The following LHPP variants were observed in gnomAD, a reference collection of about 807,000 sequenced individuals.
The protein encoded by LHPP is phospholysine phosphohistidine inorganic pyrophosphate phosphatase.
In LHPP, 24 loss-of-function variants were observed where a neutral mutation model predicts 30.3. The ratio of observed to expected loss-of-function variants is 0.79; its 90% CI spans 0.57 to 1.11. LHPP has a LOEUF of 1.11. Ranked by LOEUF, LHPP falls within the 50% of genes most tolerant of loss-of-function variation. LHPP has a pLI of 0.00. For synonymous variants in LHPP, 150 were observed against 157.1 expected (o/e 0.95, Z 0.34); for missense variants, 356 against 367.2 (o/e 0.97, Z 0.25).
At chr10:124,480,527 G>A (rs1456586875) in intron 1 of LHPP, among the ~76,000 whole-genome samples, 2 of 152,140 alleles carry the variant, frequency 1.3e-5, no homozygotes, top group Non-Finnish European at 2.9e-5. Context: ...TCATTCATTA[G>A]CAATAATTAG....
intron 3 of LHPP, among the ~76,000 whole-genome samples, chr10:124,493,333 A>G (rs992903331): frequency 2.0e-5 from 3 of 152,122 alleles, no homozygotes; most frequent in African/African-American, 4.8e-5. Flanking sequence ...TGCCATCACC[A>G]TGCCGTCCTC....
At chr10:124,589,021 G>A (rs12357619) in intron 6 of LHPP, among the ~76,000 whole-genome samples, 5 of 152,198 alleles carry the variant, frequency 3.3e-5, no homozygotes, top group South Asian at 4.1e-4. Context: ...CCAGCAGCGC[G>A]GCTGTGAGGG....
At chr10:124,495,393 C>A (rs1953672103) in intron 3 of LHPP, among the ~76,000 whole-genome samples, 1 of 152,182 alleles carries the variant, frequency 6.6e-6, no homozygotes. Context: ...GCAGGGGGAC[C>A]AGCCCTGGCA....
At position 124,496,101 on chromosome 10, in the gene LHPP, G is replaced by A. The variant is rs1374349422; in HGVS notation, c.468-860G>A. ...TGATGGTGGATGGCAAAACATTTTAGTGGTTCCAAGAATCAAGCCCCCTTG... is the reference window on the plus strand; with the variant it reads ...TGATGGTGGATGGCAAAACATTTTAATGGTTCCAAGAATCAAGCCCCCTTG... On this transcript the variant is annotated intron_variant, in intron 3 of 6. Transcript: ENST00000368842. The surrounding 1 kb of genome is among the most constrained non-coding windows in gnomAD (Gnocchi z 4.3). Among the ~76,000 whole-genome samples, 2 of 151,990 alleles carry A rather than the reference G, an allele frequency of 1.3e-5. No individual in the cohort carries two copies. The highest frequency in any genetic ancestry group is 2.4e-5 in the African/African-American group (1 of 41,468).
chr10:124,499,655 T>TA (rs996323870), intron 5 of LHPP, among the ~76,000 whole-genome samples: 2 of 151,274 alleles, frequency 1.3e-5, no homozygotes, highest in Non-Finnish European at 1.5e-5. Flanking sequence ...ACTCCTTCTT[T>TA]AAAAAAAAGA....
At chr10:124,491,220 T>C (rs186356099) in intron 3 of LHPP, among the ~76,000 whole-genome samples, 2 of 152,358 alleles carry the variant, frequency 1.3e-5, no homozygotes, top group Non-Finnish European at 2.9e-5. Flanking sequence ...CACTTTGGAG[T>C]GTCTACCTCA....
At chr10:124,579,914 A>G (rs972271120) in intron 6 of LHPP, among the ~76,000 whole-genome samples, 1 of 152,140 alleles carries the variant, frequency 6.6e-6, no homozygotes, top group South Asian at 2.1e-4. Flanking sequence ...CCATTATCCC[A>G]CATCCTGGCC....
chr10:124,608,734 C>T (rs1196603507), intron 6 of LHPP, among the ~76,000 whole-genome samples: 3 of 152,248 alleles, frequency 2.0e-5, no homozygotes, highest in East Asian at 1.9e-4. Context: ...GCCGTGTCCT[C>T]GGCCAGGGCC....
At chr10:124,591,083 G>C (rs1948877598) in intron 6 of LHPP, among the ~76,000 whole-genome samples, 1 of 152,226 alleles carries the variant, frequency 6.6e-6, no homozygotes, top group Non-Finnish European at 1.5e-5. Context: ...CAGGAAATAA[G>C]CCGGGGGGAA....
At chr10:124,469,343 G>T (rs934262411) in intron 1 of LHPP, among the ~76,000 whole-genome samples, 1 of 152,098 alleles carries the variant, frequency 6.6e-6, no homozygotes, top group Admixed American at 6.6e-5. Flanking sequence ...TTTCTGTGAT[G>T]ATGGGTCCTC....
At chr10:124,492,870 G>A (rs888358418) in intron 3 of LHPP, among the ~76,000 whole-genome samples, 3 of 152,114 alleles carry the variant, frequency 2.0e-5, no homozygotes, top group Non-Finnish European at 4.4e-5. Context: ...GCTGTAATTC[G>A]TTAATGTTAA....
chr10:124,490,763 G>T (rs1679883829), intron 3 of LHPP, among the ~76,000 whole-genome samples: 1 of 152,218 alleles, frequency 6.6e-6, no homozygotes, highest in Non-Finnish European at 1.5e-5. Context: ...GGTTCTTGAG[G>T]CATGTTGCCA....
intron 5 of LHPP, among the ~76,000 whole-genome samples, chr10:124,506,060 A>G (rs1954054411): frequency 6.6e-6 from 1 of 152,124 alleles, no homozygotes; most frequent in African/African-American, 2.4e-5. Flanking sequence ...CCTGGGTAAC[A>G]TGGTGAAACC....
At chr10:124,511,751 A>C (rs138554287) in intron 5 of LHPP, among the ~76,000 whole-genome samples, 2 of 152,212 alleles carry the variant, frequency 1.3e-5, no homozygotes, top group East Asian at 3.9e-4. Flanking sequence ...GCTCCTGATG[A>C]TTCCTTGGTT....
chr10:124,542,544 T>C (rs1236391609), intron 6 of LHPP, among the ~76,000 whole-genome samples: 2 of 152,088 alleles, frequency 1.3e-5, no homozygotes, highest in Non-Finnish European at 2.9e-5. Context: ...CTTCTCCTGC[T>C]CCAGTTCAGC....
At chr10:124,562,303 T>C (rs1020777960) in intron 6 of LHPP, among the ~76,000 whole-genome samples, 1 of 95,868 alleles carries the variant, frequency 1.0e-5, no homozygotes, top group African/African-American at 4.2e-5. Flanking sequence ...TGAGACCCTG[T>C]CTCAAACAAA....
Position 124,503,853 on chromosome 10 carries a change from T to G in LHPP, c.624+5725T>G, listed in dbSNP as rs150181930. Reference sequence around the variant, plus strand: ...TTCTCAAAATAATGTGTTTTATATATAGAGAGAAAGGCTAATGCTTTAAGT... The same window carrying G: ...TTCTCAAAATAATGTGTTTTATATAGAGAGAGAAAGGCTAATGCTTTAAGT... On this transcript the variant is annotated intron_variant, in intron 5 of 6. Transcript: ENST00000368842. Among the ~76,000 whole-genome samples the G allele has an allele frequency of 1.4e-3, 217 of 152,244 alleles. 2 individuals are homozygous for G. Among genetic ancestry groups the G allele is most frequent in the Non-Finnish European group, 1.6e-3 (109 of 68,010 alleles).
chr10:124,540,650 C>T (rs1013689154), intron 6 of LHPP, among the ~76,000 whole-genome samples: 1 of 152,208 alleles, frequency 6.6e-6, no homozygotes, highest in Non-Finnish European at 1.5e-5. Context: ...CTGCCTGGAA[C>T]GTGGCTTGGG....
chr10:124,505,904 T>A (rs977944232), intron 5 of LHPP, among the ~76,000 whole-genome samples: 2 of 152,134 alleles, frequency 1.3e-5, no homozygotes, highest in Non-Finnish European at 2.9e-5. Context: ...AGCTTAGAGA[T>A]GAAACACCTT....
Sources: allele counts gnomAD v4.1 joint callset (sites outside exome capture counted in the v4.1 genomes callset), GRCh38; gene constraint gnomAD v4.1.1; non-coding constraint Gnocchi (gnomAD v3.1); transcripts MANE v1.5; gene names NCBI Gene and HGNC (gene_info 2026-07-23, HGNC 2026-07-21).